DLG2: variants seen among roughly 807,000 people sequenced by gnomAD.
The protein encoded by DLG2 is discs large MAGUK scaffold protein 2, also known as disks large homolog 2.
DLG2 carries 45 observed loss-of-function variants against 132.5 expected under a neutral mutation model. That is an observed-to-expected ratio of 0.34 (90% CI 0.27 to 0.44). The LOEUF (loss-of-function observed/expected upper bound fraction) is 0.44. DLG2 is among the 20% of genes least tolerant of loss of function. The probability of loss-of-function intolerance (pLI) is 1.00; values close to 1 mark genes in which losing one functional copy is unlikely to be tolerated. For missense variants in DLG2, 1,045 were observed against 1,196.9 expected (o/e 0.87, Z 1.87); for synonymous variants, 424 against 419.6 (o/e 1.01, Z -0.13).
intron 19 of DLG2, among the ~76,000 whole-genome samples, chr11:83,552,621 G>C (rs761700052): frequency 6.6e-6 from 1 of 152,134 alleles, no homozygotes; most frequent in African/African-American, 2.4e-5. Context: ...CTTAGTGGAA[G>C]CCGCCTCTGT....
intron 9 of DLG2, among the ~76,000 whole-genome samples, chr11:84,112,043 C>T (rs1436861103): frequency 1.3e-5 from 2 of 151,848 alleles, no homozygotes; most frequent in African/African-American, 4.8e-5. Context: ...GACAGAGTCT[C>T]ACTCTGTTGC....
chr11:83,668,867 AT>A lies in DLG2; in HGVS notation c.1826-35543del, dbSNP rs10635194. The stretch of plus-strand genomic sequence containing the variant: ...CACACACACATATATATATATATAT[AT>A]TTTTTTTTTATGATAGACTATGAGC... On this transcript the variant is annotated intron_variant, in intron 18 of 27. Coordinates refer to ENST00000376104, the MANE Select transcript of DLG2 (RefSeq NM_001142699.3). Among the ~76,000 whole-genome samples the A allele has an allele frequency of 8.2e-4, 91 of 110,366 alleles. 4 individuals carry two copies. The highest frequency in any genetic ancestry group is 6.1e-3 in the South Asian group (20 of 3,256). 72.4% of individuals were successfully genotyped at this position (110,366 alleles called of 152,430 possible). A position where few individuals can be genotyped will look rare whatever the true frequency, so the allele number is the denominator to read the frequency against.
chr11:83,923,641 C>G (rs2078369773), intron 15 of DLG2, among the ~76,000 whole-genome samples: 1 of 152,076 alleles, frequency 6.6e-6, no homozygotes, highest in Non-Finnish European at 1.5e-5. Context: ...ATATCCCAAG[C>G]CAGAAAATTC....
At chr11:84,341,601 A>G (rs530014776) in intron 7 of DLG2, among the ~76,000 whole-genome samples, 1 of 152,348 alleles carries the variant, frequency 6.6e-6, no homozygotes, top group African/African-American at 2.4e-5. Flanking sequence ...CCCATATGCA[A>G]CAAGGGTTGA....
intron 6 of DLG2, among the ~76,000 whole-genome samples, chr11:85,067,749 T>A (rs2154165102): frequency 6.6e-6 from 1 of 152,120 alleles, no homozygotes; most frequent in South Asian, 2.1e-4. Flanking sequence ...GTTTTCCTAC[T>A]GAAATTATTC....
At chr11:84,132,967 C>A (rs928666111) in intron 9 of DLG2, among the ~76,000 whole-genome samples, 4 of 151,980 alleles carry the variant, frequency 2.6e-5, no homozygotes, top group Admixed American at 2.6e-4. Context: ...AGTAAGCAAA[C>A]AACCAGAATA....
At position 83,640,007 on chromosome 11, in the gene DLG2, G is replaced by A. The variant is rs137914841; in HGVS notation, c.1826-6682C>T. ...TGCTGTTATTACTTTGGTGACTCCT[G>A]TCAGGACAAAGACATATGCAGTTCT... On this transcript the variant is annotated intron_variant, in intron 18 of 27. Coordinates refer to ENST00000376104, the MANE Select transcript of DLG2 (RefSeq NM_001142699.3). Among the ~76,000 whole-genome samples, 798 of 152,266 alleles carry A rather than the reference G, an allele frequency of 5.2e-3. 8 individuals carry two copies. The highest frequency in any genetic ancestry group is 0.018 in the African/African-American group (765 of 41,548).
At chr11:83,905,955 T>C (rs950636730) in intron 15 of DLG2, among the ~76,000 whole-genome samples, 4 of 151,898 alleles carry the variant, frequency 2.6e-5, no homozygotes, top group South Asian at 2.1e-4. Context: ...AAAATAAAAG[T>C]TGGAAATAGT....
intron 11 of DLG2, among the ~76,000 whole-genome samples, chr11:84,030,963 T>C (rs1015525845): frequency 6.6e-6 from 1 of 152,154 alleles, no homozygotes; most frequent in Non-Finnish European, 1.5e-5. Flanking sequence ...TAGTTAAATG[T>C]GGTCATCCAA....
chr11:84,439,868 G>A (rs918141785), intron 7 of DLG2, among the ~76,000 whole-genome samples: 14 of 152,148 alleles, frequency 9.2e-5, no homozygotes, highest in African/African-American at 3.1e-4. Flanking sequence ...GACAGAATCA[G>A]ACAATAAAGA....
At chr11:84,596,016 G>A (rs1054265023) in intron 6 of DLG2, among the ~76,000 whole-genome samples, 2 of 152,154 alleles carry the variant, frequency 1.3e-5, no homozygotes, top group Non-Finnish European at 2.9e-5. Flanking sequence ...GAGCCACTCT[G>A]AAGAATCTGA....
rs115252569 is a variant in DLG2 at position 83,490,926 on chromosome 11, C to T, written c.2194-6698G>A. 6.9e-3 allele frequency among the ~76,000 whole-genome samples: 1,043 copies of T among 151,894 alleles called. 18 individuals are homozygous for T. The highest frequency in any genetic ancestry group is 0.024 in the African/African-American group (1,007 of 41,482). On this transcript the variant is annotated intron_variant, in intron 21 of 27. Coordinates refer to ENST00000376104, the MANE Select transcript of DLG2 (RefSeq NM_001142699.3). ...TTTCTACAACTTTCTCTCAATTCAG[C>T]GGATTATACCAACATGAGTTGGTAA... is the stretch of plus-strand genomic sequence containing the variant.
At chr11:84,911,408 T>C (rs574726726) in intron 6 of DLG2, among the ~76,000 whole-genome samples, 11 of 151,918 alleles carry the variant, frequency 7.2e-5, no homozygotes, top group Middle Eastern at 3.4e-3. Context: ...TTAACCTGTA[T>C]TTATAAATTT....
chr11:85,099,870 AT>A, intron 6 of DLG2, among the ~76,000 whole-genome samples: 1 of 152,174 alleles, frequency 6.6e-6, no homozygotes, highest in Non-Finnish European at 1.5e-5. Context: ...CTAGAAAAAA[AT>A]CATTATAATT....
chr11:84,047,878 T>C (rs1368390667), intron 11 of DLG2, among the ~76,000 whole-genome samples: 2 of 151,634 alleles, frequency 1.3e-5, no homozygotes, highest in East Asian at 1.9e-4. Context: ...TAATGTTGTA[T>C]TATACAGAAC....
At chr11:83,508,387 C>A (rs1003054897) in intron 21 of DLG2, among the ~76,000 whole-genome samples, 1 of 140,528 alleles carries the variant, frequency 7.1e-6, no homozygotes, top group Non-Finnish European at 1.5e-5. Context: ...CAGGTGCACA[C>A]CACCACGCCT....
At chr11:84,861,618 C>CAAAAAAAAAAAAAACAA (rs2083657800) in intron 6 of DLG2, among the ~76,000 whole-genome samples, 1 of 35,828 alleles carries the variant, frequency 2.8e-5, no homozygotes, top group African/African-American at 1.3e-4. Context: ...TTCTACACAG[C>CAAAAAAAAAAAAAACAA]AAAAAAAAAA....
At chr11:84,015,449 T>C (rs1474963448) in intron 11 of DLG2, among the ~76,000 whole-genome samples, 1 of 152,164 alleles carries the variant, frequency 6.6e-6, no homozygotes, top group Non-Finnish European at 1.5e-5. Flanking sequence ...CGGTGTGCCA[T>C]GGTGGTTTGC....
intron 18 of DLG2, among the ~76,000 whole-genome samples, chr11:83,730,146 G>GTTTTTTTTTTT (rs541441004): frequency 2.7e-5 from 3 of 111,004 alleles, no homozygotes; most frequent in African/African-American, 6.9e-5. Context: ...TTTTTTTATG[G>GTTTTTTTTTTT]TTTTTTTTTT....
Sources: gnomAD v4.1 joint callset for allele counts (sites outside exome capture counted in the v4.1 genomes callset) on GRCh38, gnomAD v4.1.1 for gene constraint, MANE v1.5 for transcripts, NCBI Gene and HGNC (gene_info 2026-07-23, HGNC 2026-07-21) for gene names.